The following JAK2 variants were observed in gnomAD, a reference collection of about 807,000 sequenced individuals.
JAK2 encodes the protein Janus kinase 2.
JAK2 carries 86 observed loss-of-function variants against 139.3 expected under a neutral mutation model. That is an observed-to-expected ratio of 0.62 (90% confidence interval 0.52 to 0.74). JAK2 has a LOEUF of 0.74. Among genes scored for constraint, JAK2 ranks in the 30% least tolerant of loss-of-function variants. JAK2 has a pLI of 0.00. For synonymous variants in JAK2, 490 were observed against 437.7 expected, an observed-to-expected ratio of 1.12 and a Z score of -1.49; for missense variants, 1,421 against 1,360.3, an observed-to-expected ratio of 1.04 and a Z score of -0.70.
intron 3 of JAK2, among the ~76,000 whole-genome samples, chr9:5,024,180 C>T (rs766341076): frequency 2.6e-5 from 4 of 152,112 alleles, no homozygotes; most frequent in Non-Finnish European, 5.9e-5. Context: ...GGCATGAACC[C>T]AGGAGGCGGA....
At chr9:5,112,477 AG>A in intron 22 of JAK2, 1 of 549,494 alleles carries the variant, frequency 1.8e-6, no homozygotes, top group Non-Finnish European at 3.3e-6. Flanking sequence ...GGACCGGACC[AG>A]CCCAGACAAG....
intron 8 of JAK2, among the ~76,000 whole-genome samples, chr9:5,063,690 T>A (rs12336577): frequency 0.24 from 36,391 of 152,066 alleles, 4,689 homozygotes; most frequent in South Asian, 0.3. Flanking sequence ...AAAAGTTGCA[T>A]AAGAGTGTTT....
At chr9:4,996,574 T>C (rs995611057) in intron 2 of JAK2, among the ~76,000 whole-genome samples, 4 of 152,100 alleles carry the variant, frequency 2.6e-5, no homozygotes, top group Non-Finnish European at 5.9e-5. Flanking sequence ...TTTGGTTTTT[T>C]TGAGGAGGGG....
chr9:5,038,385 AAT>A (rs1816229981), intron 4 of JAK2, among the ~76,000 whole-genome samples: 1 of 152,142 alleles, frequency 6.6e-6, no homozygotes, highest in Non-Finnish European at 1.5e-5. Flanking sequence ...ATTCACAAAA[AAT>A]AGAAAAGGAA....
At chr9:5,049,953 A>T (rs1817296028) in intron 5 of JAK2, among the ~76,000 whole-genome samples, 1 of 152,322 alleles carries the variant, frequency 6.6e-6, no homozygotes, top group African/African-American at 2.4e-5. Context: ...AAAATGCAGT[A>T]TTACAATCTT....
chr9:5,072,482 T>A lies in JAK2; in HGVS notation c.1642-10T>A. ...TACTCATTCTTTTCTTTTACCTTTT[T>A]CTCTTGAAGAATGAAAGCCTTGGCC... is the stretch of plus-strand genomic sequence containing the variant. On this transcript the variant is annotated splice_polypyrimidine_tract_variant and intron_variant, in intron 12 of 24. Coordinates refer to ENST00000381652, the MANE Select transcript of JAK2 (RefSeq NM_004972.4). 1.3e-6 allele frequency: 2 copies of A among 1,528,168 alleles called. No individual in the cohort carries two copies. Among genetic ancestry groups the A allele is most frequent in the Admixed American group, 2.0e-5 (1 of 48,904 alleles). 94.7% of individuals were successfully genotyped at this position (1,528,168 alleles called of 1,614,324 possible). A position where few individuals can be genotyped will look rare whatever the true frequency, so the allele number is the denominator to read the frequency against.
At chr9:5,051,401 G>A (rs1335343818) in intron 6 of JAK2, among the ~76,000 whole-genome samples, 1 of 152,052 alleles carries the variant, frequency 6.6e-6, no homozygotes, top group Non-Finnish European at 1.5e-5. Flanking sequence ...CCAAATGGTG[G>A]TGTATATTTT....
In JAK2 at chr9:5,069,211, A is replaced by G. The variant is rs1248717175; in HGVS notation, c.1513+3A>G. The G allele has an allele frequency of 6.3e-7, 1 of 1,589,938 alleles. No individual in the cohort carries two copies. The highest frequency in any genetic ancestry group is 2.2e-5 in the East Asian group (1 of 44,582). On this transcript the variant is annotated splice_donor_region_variant and intron_variant, in intron 11 of 24. Coordinates refer to ENST00000381652, the MANE Select transcript of JAK2 (RefSeq NM_004972.4). ...ATGCTGTCCCCCAAAGCCAAAAGGT[A>G]AGATAATTTTCTAGTTATTTTTAAA...
At chr9:5,004,918 CTT>C (rs557320182) in intron 2 of JAK2, among the ~76,000 whole-genome samples, 6 of 131,298 alleles carry the variant, frequency 4.6e-5, no homozygotes, top group Non-Finnish European at 4.9e-5. Flanking sequence ...TACATATTGT[CTT>C]TTTTTTTTTT....
At chr9:5,001,528 A>G (rs1820927614) in intron 2 of JAK2, among the ~76,000 whole-genome samples, 2 of 152,134 alleles carry the variant, frequency 1.3e-5, no homozygotes, top group Admixed American at 1.3e-4. Context: ...GTATGACTGG[A>G]ATAAAACCCA....
Position 5,078,359 on chromosome 9 carries a change from C to A in JAK2, c.2046C>A (p.Ile682=), listed in dbSNP as rs1249752102. 1 of 1,612,362 alleles carries A rather than the reference C, an allele frequency of 6.2e-7. No homozygotes were observed. The highest frequency in any genetic ancestry group is 1.1e-5 in the South Asian group (1 of 91,026). ...GNVCAKNILL[I]REEDRKTGNP... is the part of the protein sequence containing the mutation. ...TATGTGCCAAAAATATTCTGCTTAT[C>A]AGAGAAGAAGACAGGAAGACAGGAA... Residue 682 remains isoleucine, a synonymous_variant, in exon 16 of 25, where the codon ATC becomes ATA. Coordinates refer to ENST00000381652, the MANE Select transcript of JAK2 (RefSeq NM_004972.4).
chr9:5,066,941 A>G (rs181007730), intron 10 of JAK2, 152 bp downstream of exon 10: 5 of 380,326 alleles, frequency 1.3e-5, no homozygotes, highest in African/African-American at 2.1e-5. Flanking sequence ...GAGATTCTGT[A>G]CAAATAAACA....
chr9:5,051,413 T>C (rs964327063), intron 6 of JAK2, among the ~76,000 whole-genome samples: 2 of 152,160 alleles, frequency 1.3e-5, no homozygotes, highest in Non-Finnish European at 2.9e-5. Flanking sequence ...GTATATTTTA[T>C]TTGCATTAGA....
chr9:5,060,670 T>A (rs1818105638), intron 8 of JAK2, among the ~76,000 whole-genome samples: 1 of 152,220 alleles, frequency 6.6e-6, no homozygotes, highest in Non-Finnish European at 1.5e-5. Context: ...ATTGAAGTCG[T>A]GAACCCCTCA....
chr9:5,059,722 C>T (rs1032968593), intron 8 of JAK2, among the ~76,000 whole-genome samples: 1 of 152,120 alleles, frequency 6.6e-6, no homozygotes, highest in African/African-American at 2.4e-5. Flanking sequence ...TTTTGTCAGT[C>T]TAAAAATGTC....
At chr9:5,043,914 A>C (rs546067417) in intron 4 of JAK2, among the ~76,000 whole-genome samples, 1 of 152,356 alleles carries the variant, frequency 6.6e-6, no homozygotes, top group Non-Finnish European at 1.5e-5. Context: ...AAAAACATTG[A>C]ATTTTACACT....
chr9:5,126,513 T>C, intron 24 of JAK2, 67 bp downstream of exon 24: 2 of 1,134,948 alleles, frequency 1.8e-6, no homozygotes, highest in East Asian at 2.4e-5. Context: ...AGGACTTCAG[T>C]TCACTTCCTG....
chr9:5,104,568 G>C (rs1821799035), intron 22 of JAK2, among the ~76,000 whole-genome samples: 1 of 152,148 alleles, frequency 6.6e-6, no homozygotes, highest in African/African-American at 2.4e-5. Flanking sequence ...TATGAGGCCA[G>C]CATCAGCCCG....
At chr9:5,011,626 C>T (rs896950657) in intron 2 of JAK2, among the ~76,000 whole-genome samples, 3 of 151,582 alleles carry the variant, frequency 2.0e-5, no homozygotes, top group African/African-American at 7.3e-5. Flanking sequence ...TTTGGGTCTG[C>T]TTTGGGTCCA....
Sources: allele counts gnomAD v4.1 joint callset (sites outside exome capture counted in the v4.1 genomes callset), GRCh38; gene constraint gnomAD v4.1.1; transcripts MANE v1.5; gene names NCBI Gene and HGNC (gene_info 2026-07-23, HGNC 2026-07-21).